Variants in TMEM135 observed in about 807,000 individuals in gnomAD.
TMEM135 encodes the protein transmembrane protein 135, also known as peroxisomal membrane protein 52.
A neutral mutation model predicts 60.3 loss-of-function variants in TMEM135; 30 were observed. That is an observed-to-expected ratio of 0.50 (90% CI 0.37 to 0.68). The LOEUF is 0.68. TMEM135 is among the 30% of genes least tolerant of loss of function. The pLI is 0.00. For synonymous variants in TMEM135, 190 were observed against 186.7 expected (o/e 1.02, Z -0.14); for missense variants, 468 against 548.8 (o/e 0.85, Z 1.47).
intron 6 of TMEM135, among the ~76,000 whole-genome samples, chr11:87,270,596 A>G (rs1223565988): frequency 6.6e-6 from 1 of 152,174 alleles, no homozygotes; most frequent in Non-Finnish European, 1.5e-5. Context: ...CTCTTTTAAT[A>G]TGAAGAGGAA....
chr11:87,129,016 T>TG (rs1388305378), intron 4 of TMEM135, among the ~76,000 whole-genome samples: 4 of 42,268 alleles, frequency 9.5e-5, no homozygotes, highest in Admixed American at 7.1e-4. Context: ...TTTTTTTTTG[T>TG]TTTTTTTTTA....
intron 7 of TMEM135, 140 bp from the exon 8 acceptor site, chr11:87,302,156 A>AT: frequency 1.1e-6 from 1 of 923,856 alleles, no homozygotes; most frequent in Non-Finnish European, 1.6e-6. Context: ...GGATGATTTG[A>AT]TTTTATGTAA....
intron 3 of TMEM135, among the ~76,000 whole-genome samples, chr11:87,089,515 C>G (rs770318591): frequency 2.0e-5 from 3 of 151,920 alleles, no homozygotes; most frequent in Non-Finnish European, 4.4e-5. Context: ...TGCACTCCAG[C>G]CTGAGTGACA....
chr11:87,043,990 T>C (rs1949773489), intron 1 of TMEM135, among the ~76,000 whole-genome samples: 1 of 152,136 alleles, frequency 6.6e-6, no homozygotes, highest in East Asian at 1.9e-4. Flanking sequence ...GGCATTTACC[T>C]TTAGCTGAGT....
intron 6 of TMEM135, among the ~76,000 whole-genome samples, chr11:87,286,394 A>G (rs867899179): frequency 1.3e-5 from 2 of 152,186 alleles, no homozygotes; most frequent in Admixed American, 1.3e-4. Context: ...TGCATATACA[A>G]TCCTCTGGCT....
At chr11:87,286,375 A>G (rs7119068) in intron 6 of TMEM135, among the ~76,000 whole-genome samples, 48,670 of 150,452 alleles carry the variant, frequency 0.32, 9,394 homozygotes, top group Non-Finnish European at 0.43. Flanking sequence ...GACACAGAGT[A>G]CTGATTGGTG....
chr11:87,241,932 G>A (rs1591130693), intron 6 of TMEM135, among the ~76,000 whole-genome samples: 1 of 151,766 alleles, frequency 6.6e-6, no homozygotes, highest in Non-Finnish European at 1.5e-5. Context: ...GTATACATGT[G>A]CCATGCTGAT....
At chr11:87,194,055 T>G (rs2135320413) in intron 5 of TMEM135, among the ~76,000 whole-genome samples, 1 of 152,272 alleles carries the variant, frequency 6.6e-6, no homozygotes, top group South Asian at 2.1e-4. Context: ...ATAAAATGTT[T>G]TGAATCAGTT....
intron 4 of TMEM135, among the ~76,000 whole-genome samples, chr11:87,128,422 G>C (rs1432535134): frequency 1.3e-5 from 2 of 152,054 alleles, no homozygotes; most frequent in African/African-American, 2.4e-5. Context: ...TGTAATAAGA[G>C]AATCTCTACA....
At chr11:87,179,702 G>A (rs548570205) in intron 5 of TMEM135, among the ~76,000 whole-genome samples, 1 of 152,078 alleles carries the variant, frequency 6.6e-6, no homozygotes, top group African/African-American at 2.4e-5. Context: ...AATTGCTTTG[G>A]CATCTTTGTT....
At chr11:87,264,287 T>C (rs1221786392) in intron 6 of TMEM135, among the ~76,000 whole-genome samples, 2 of 150,442 alleles carry the variant, frequency 1.3e-5, no homozygotes, top group Non-Finnish European at 3.0e-5. Context: ...CCAATCTCAC[T>C]TTTCTTTTCT....
At chr11:87,229,241 C>CA (rs1242247976) in intron 5 of TMEM135, among the ~76,000 whole-genome samples, 1 of 151,420 alleles carries the variant, frequency 6.6e-6, no homozygotes, top group East Asian at 1.9e-4. Context: ...TATTCAGTTT[C>CA]AAAAAAACAA....
rs1285076670 is a variant in TMEM135, at chr11:87,110,913, GA to G, written c.396+19519del. 2.0e-5 allele frequency among the ~76,000 whole-genome samples: 3 copies of G among 152,122 alleles called. No individual in the cohort carries two copies. In the East Asian group the frequency reaches 5.8e-4, roughly 29 times the overall value. ...TTGCGCAGTCATATTCATAATATGT[GA>G]TTAGTTTCCCAGAATACTTGCCTGG... On this transcript the variant is annotated intron_variant, in intron 4 of 14. Coordinates refer to ENST00000305494, the MANE Select transcript of TMEM135 (RefSeq NM_022918.4).
At chr11:87,195,391 T>TTCCG (rs1565482236) in intron 5 of TMEM135, among the ~76,000 whole-genome samples, 2 of 65,792 alleles carry the variant, frequency 3.0e-5, no homozygotes, top group Admixed American at 1.8e-4. Flanking sequence ...CCTTCCTTCC[T>TTCCG]TCTCTCTCTC....
Position 87,119,576 on chromosome 11 carries a change from G to T in TMEM135, c.396+28181G>T, listed in dbSNP as rs184556518. Among the ~76,000 whole-genome samples, 344 of 152,308 alleles carry T rather than the reference G, an allele frequency of 2.3e-3. 3 individuals are homozygous for T. Among genetic ancestry groups the T allele is most frequent in the Admixed American group, 3.2e-3 (49 of 15,306 alleles). On this transcript the variant is annotated intron_variant, in intron 4 of 14. Coordinates refer to ENST00000305494, the MANE Select transcript of TMEM135 (RefSeq NM_022918.4). ...AAATTAGCTGGTGTTGGTGATGCAC[G>T]CCTGTAATCCCAGCTACGCTAGTAT...
At chr11:87,291,084 A>T (rs1287387187) in intron 6 of TMEM135, among the ~76,000 whole-genome samples, 1 of 152,188 alleles carries the variant, frequency 6.6e-6, no homozygotes, top group Non-Finnish European at 1.5e-5. Context: ...TATTTCCTGT[A>T]TGATTGTATC....
intron 5 of TMEM135, among the ~76,000 whole-genome samples, chr11:87,232,141 G>C (rs1029465609): frequency 5.9e-5 from 9 of 152,060 alleles, no homozygotes; most frequent in African/African-American, 1.7e-4. Flanking sequence ...AGTGGAGACA[G>C]GGTTTTGCCA....
At chr11:87,245,318 A>G (rs1314717040) in intron 6 of TMEM135, among the ~76,000 whole-genome samples, 2 of 139,686 alleles carry the variant, frequency 1.4e-5, no homozygotes, top group Non-Finnish European at 1.6e-5. Context: ...TGAAAAAAAT[A>G]TATATTCTGT....
chr11:87,223,667 G>GCGCA (rs1688932277), intron 5 of TMEM135, among the ~76,000 whole-genome samples: 1 of 118,376 alleles, frequency 8.4e-6, no homozygotes, highest in African/African-American at 2.8e-5. Flanking sequence ...GCACATGCAC[G>GCGCA]CACACACACA....
Sources: gnomAD v4.1 joint callset for allele counts (sites outside exome capture counted in the v4.1 genomes callset) on GRCh38, gnomAD v4.1.1 for gene constraint, MANE v1.5 for transcripts, NCBI Gene and HGNC (gene_info 2026-07-23, HGNC 2026-07-21) for gene names.